CEP290: variants seen among roughly 807,000 people sequenced by gnomAD.
CEP290 encodes centrosomal protein of 290 kDa.
In CEP290, 317 loss-of-function variants were observed where a neutral mutation model predicts 344.9. That is an observed-to-expected ratio of 0.92 (90% confidence interval 0.84 to 1.01). CEP290 has a LOEUF of 1.01. Among genes scored for constraint, CEP290 ranks in the 50% least tolerant of loss-of-function variants. The pLI is 0.00. For missense variants in CEP290, 2,754 were observed against 2,761.4 expected (o/e 1.00, Z 0.06); for synonymous variants, 932 against 895.8 (o/e 1.04, Z -0.72).
intron 13 of CEP290, among the ~76,000 whole-genome samples, chr12:88,124,602 TGAA>T (rs144467752): frequency 0.083 from 12,649 of 151,984 alleles, 720 homozygotes; most frequent in Non-Finnish European, 0.12. Flanking sequence ...ATATATGACA[TGAA>T]GAAGAAATAG....
At chr12:88,095,808 T>C (rs1275997811) in intron 27 of CEP290, among the ~76,000 whole-genome samples, 1 of 152,128 alleles carries the variant, frequency 6.6e-6, no homozygotes, top group Non-Finnish European at 1.5e-5. Context: ...GCACAATATA[T>C]GAGATAAAAT....
Position 88,071,372 on chromosome 12 carries a change from C to T in CEP290, c.5933G>A (p.Arg1978Gln), listed in dbSNP as rs774881412. Reference sequence around the variant, plus strand: ...CAATTCTTTTTCTGACTCCAAAGCTCGTATTCCCAAAACCTGATCAACAGT... The same window carrying T: ...CAATTCTTTTTCTGACTCCAAAGCTTGTATTCCCAAAACCTGATCAACAGT... The part of the protein sequence containing the change: ...GMTVDQVLGI[R>Q]ALESEKELEE... The change falls in exon 43 of 54, where the codon CGA becomes CAA. Residue 1978 changes from arginine to glutamine, a missense_variant. By Grantham distance (43) the Arg-to-Gln change is conservative. Coordinates refer to ENST00000552810, the MANE Select transcript of CEP290 (RefSeq NM_025114.4). 26 of 1,610,802 alleles carry T rather than the reference C, an allele frequency of 1.6e-5. No individual in the cohort carries two copies. The highest frequency in any genetic ancestry group is 2.7e-5 in the African/African-American group (2 of 74,816).
At chr12:88,082,921 C>T in intron 37 of CEP290, 110 bp downstream of exon 37, 3 of 622,446 alleles carry the variant, frequency 4.8e-6, no homozygotes, top group South Asian at 2.4e-5. Context: ...AAAAATGAGA[C>T]AATATACTTA....
chr12:88,139,459 T>C, intron 4 of CEP290, 36 bp downstream of exon 4: 1 of 1,495,916 alleles, frequency 6.7e-7, no homozygotes, highest in Non-Finnish European at 9.2e-7. Flanking sequence ...GAATTCATTA[T>C]TTAATACCAT....
chr12:88,140,223 T>C (rs1338704079), intron 3 of CEP290, among the ~76,000 whole-genome samples: 1 of 152,160 alleles, frequency 6.6e-6, no homozygotes, highest in African/African-American at 2.4e-5. Context: ...TTCTAATCCA[T>C]AATTTCAGGT....
chr12:88,050,980 C>A (rs1270714215), intron 52 of CEP290, among the ~76,000 whole-genome samples: 1 of 152,124 alleles, frequency 6.6e-6, no homozygotes, highest in East Asian at 1.9e-4. Flanking sequence ...CACAAAAGTT[C>A]TAATTTATTG....
In CEP290 at chr12:88,130,558, C is replaced by A. The variant is rs200063017; in HGVS notation, c.503G>T (p.Arg168Leu). Residue 168 changes from arginine to leucine, a missense_variant, in exon 8 of 54, where the codon CGT becomes CTT. By Grantham distance (102) the Arg-to-Leu change is moderately radical (BLOSUM62 -2). Transcript: ENST00000552810. ...TTAAAGCCTCACCTTTTTCTTTAGA[C>A]GTTTGTTCTACAGAAAAGGACAGGA... The part of the protein sequence containing the change: ...ENSKLRRENK[R>L]LKKKNEQLCQ... 1.9e-6 allele frequency: 3 copies of A among 1,585,762 alleles called. No homozygotes were observed. Among genetic ancestry groups the A allele is most frequent in the East Asian group, 2.3e-5 (1 of 43,984 alleles).
intron 5 of CEP290, among the ~76,000 whole-genome samples, chr12:88,138,153 G>T (rs940585382): frequency 6.6e-6 from 1 of 151,994 alleles, no homozygotes; most frequent in African/African-American, 2.4e-5. Context: ...CGACCTCACA[G>T]GACACTCTAA....
intron 20 of CEP290, among the ~76,000 whole-genome samples, chr12:88,112,332 T>C (rs1291825662): frequency 6.6e-6 from 1 of 152,130 alleles, no homozygotes; most frequent in African/African-American, 2.4e-5. Flanking sequence ...CGCAAAGGAA[T>C]GGAATACAAT....
rs2138102416 is a variant in CEP290 at position 88,130,577 on chromosome 12, G to A, written c.496-12C>T. ...TTTAGACGTTTGTTCTACAGAAAAG[G>A]ACAGGAAAACGGTAATTAGAAATGA... On this transcript the variant is annotated splice_polypyrimidine_tract_variant and intron_variant, in intron 7 of 53. Transcript: ENST00000552810. The A allele has an allele frequency of 3.8e-6, 6 of 1,567,226 alleles. No homozygotes were observed. Among genetic ancestry groups the A allele is most frequent in the Non-Finnish European group, 5.2e-6 (6 of 1,159,524 alleles).
Position 88,086,343 on chromosome 12 carries a change from C to T in CEP290, c.4302+48G>A, listed in dbSNP as rs757650761. On this transcript the variant is annotated intron_variant, in intron 33 of 53. Coordinates refer to ENST00000552810, the MANE Select transcript of CEP290 (RefSeq NM_025114.4). ...TACAGGAAATATTTCTGTGAGTTAA[C>T]ACTCTAGACTATGCTACAGAGTAAC... The T allele has an allele frequency of 9.5e-6, 14 of 1,471,516 alleles. No homozygotes were observed. The South Asian group carries it at 1.9e-4, about 20-fold the overall frequency. The allele number at this position is 1,471,516 out of a possible 1,614,324, so 91.2% of individuals were successfully genotyped here.
rs560508394 is a variant in CEP290, at chr12:88,094,340, T to C, written c.3104-365A>G. Among the ~76,000 whole-genome samples, 3 of 152,206 alleles carry C rather than the reference T, an allele frequency of 2.0e-5. No individual in the cohort carries two copies. In the East Asian group the frequency reaches 5.8e-4, roughly 29 times the overall value. On this transcript the variant is annotated intron_variant, in intron 27 of 53. Transcript: ENST00000552810. ...AGGAGATAAACTGTATGAGAAGCAA[T>C]GCAGTAAAGCAATGTGACTTTGTGA... is the stretch of plus-strand genomic sequence containing the variant.
At chr12:88,049,783 C>A (rs1257079689) in intron 53 of CEP290, 1 of 158,914 alleles carries the variant, frequency 6.3e-6, no homozygotes, top group Non-Finnish European at 1.4e-5. Context: ...TTGGTTTAGA[C>A]TTCATTTATA....
intron 22 of CEP290, among the ~76,000 whole-genome samples, 158 bp from the exon 23 acceptor site, chr12:88,109,339 CTTTAG>C (rs2038514468): frequency 6.6e-6 from 1 of 152,070 alleles, no homozygotes; most frequent in Non-Finnish European, 1.5e-5. Flanking sequence ...ATTTTGAACA[CTTTAG>C]TTTAAGGCAT....
chr12:88,120,108 G>A lies in CEP290; in HGVS notation c.1522+6C>T, dbSNP rs148446546. On this transcript the variant is annotated splice_donor_region_variant and intron_variant, in intron 15 of 53. Coordinates refer to ENST00000552810, the MANE Select transcript of CEP290 (RefSeq NM_025114.4). Reference sequence around the variant, plus strand: ...CGCAAACTATGTAACTTAAAACATGGCTTACCCACACGCTCTCTAAGTGCC... The same window carrying A: ...CGCAAACTATGTAACTTAAAACATGACTTACCCACACGCTCTCTAAGTGCC... The A allele has an allele frequency of 6.4e-4, 946 of 1,489,388 alleles. 3 individuals are homozygous for A. In the African/African-American group the frequency reaches 0.012, roughly 20 times the overall value. The allele number at this position is 1,489,388 out of a possible 1,614,324, so 92.3% of individuals were successfully genotyped here. A position where few individuals can be genotyped will look rare whatever the true frequency, so the allele number is the denominator to read the frequency against.
chr12:88,122,156 T>C (rs1286043378), intron 13 of CEP290, among the ~76,000 whole-genome samples: 3 of 152,138 alleles, frequency 2.0e-5, no homozygotes, highest in Admixed American at 1.3e-4. Flanking sequence ...AGCTAACATC[T>C]AAGCTGTGGA....
At chr12:88,073,236 T>C (rs1196869046) in intron 41 of CEP290, among the ~76,000 whole-genome samples, 1 of 152,222 alleles carries the variant, frequency 6.6e-6, no homozygotes, top group Non-Finnish European at 1.5e-5. Context: ...ATTATAGACA[T>C]TGTTTTGCTG....
At chr12:88,085,155 T>C (rs1461918980) in intron 34 of CEP290, among the ~76,000 whole-genome samples, 1 of 152,092 alleles carries the variant, frequency 6.6e-6, no homozygotes, top group Admixed American at 6.5e-5. Context: ...ATGGTGGTAC[T>C]AGATTTAGGA....
At chr12:88,101,574 A>T (rs2037887236) in intron 26 of CEP290, among the ~76,000 whole-genome samples, 1 of 151,452 alleles carries the variant, frequency 6.6e-6, no homozygotes, top group South Asian at 2.1e-4. Flanking sequence ...AACTGCTTGA[A>T]TCTGGGAGGC....
Sources: allele counts gnomAD v4.1 joint callset (sites outside exome capture counted in the v4.1 genomes callset), GRCh38; gene constraint gnomAD v4.1.1; transcripts MANE v1.5; gene names NCBI Gene and HGNC (gene_info 2026-07-23, HGNC 2026-07-21).